The following DCLK1 variants were observed in gnomAD, a reference collection of about 807,000 sequenced individuals.
DCLK1 encodes doublecortin like kinase 1.
In DCLK1, 16 loss-of-function variants were observed where a neutral mutation model predicts 86.2. That is an observed-to-expected ratio of 0.19 (90% confidence interval 0.13 to 0.28). The LOEUF (loss-of-function observed/expected upper bound fraction) is 0.28. DCLK1 is among the 10% of genes least tolerant of loss of function. The pLI is 1.00. For missense variants in DCLK1, 590 were observed against 940.2 expected (o/e 0.63, Z 4.87); for synonymous variants, 369 against 370.5 (o/e 1.00, Z 0.05).
At chr13:36,083,741 C>A (rs1171981022) in intron 3 of DCLK1, among the ~76,000 whole-genome samples, 2 of 152,060 alleles carry the variant, frequency 1.3e-5, no homozygotes, top group African/African-American at 4.8e-5. Flanking sequence ...TATGGAAGAC[C>A]CACTTTGTGA....
At chr13:36,049,715 T>C (rs1483284517) in intron 3 of DCLK1, among the ~76,000 whole-genome samples, 2 of 152,180 alleles carry the variant, frequency 1.3e-5, no homozygotes, top group East Asian at 1.9e-4. Context: ...TTTGAAATCA[T>C]ATTTGCAGTT....
intron 3 of DCLK1, among the ~76,000 whole-genome samples, chr13:35,974,078 AAAATAAAAC>A (rs1879201668): frequency 6.6e-6 from 1 of 152,206 alleles, no homozygotes; most frequent in African/African-American, 2.4e-5. Context: ...ATAGAAATAG[AAAATAAAAC>A]AAATAAAACA....
At chr13:35,922,915 G>A (rs1028635109) in intron 4 of DCLK1, among the ~76,000 whole-genome samples, 5 of 152,218 alleles carry the variant, frequency 3.3e-5, no homozygotes, top group South Asian at 2.1e-4. Flanking sequence ...CTGTCTCAGC[G>A]CACCCATCTG....
chr13:35,967,971 G>A (rs1004091081), intron 3 of DCLK1, among the ~76,000 whole-genome samples: 5 of 151,884 alleles, frequency 3.3e-5, no homozygotes, highest in Non-Finnish European at 7.4e-5. Context: ...CAGTGACCAG[G>A]ATCACGCCAC....
intron 3 of DCLK1, among the ~76,000 whole-genome samples, chr13:36,100,731 G>A (rs531905675): frequency 6.6e-6 from 1 of 152,230 alleles, no homozygotes; most frequent in South Asian, 2.1e-4. Flanking sequence ...CCTGCCAGCT[G>A]CCAGCTGAAT....
intron 3 of DCLK1, among the ~76,000 whole-genome samples, chr13:36,064,767 G>C (rs1253606841): frequency 1.3e-5 from 2 of 150,966 alleles, no homozygotes; most frequent in African/African-American, 4.9e-5. Flanking sequence ...GAAGAAGAAA[G>C]GTAATGAAAC....
chr13:35,982,409 G>GGAGGGAGA (rs1555354555), intron 3 of DCLK1, among the ~76,000 whole-genome samples: 1 of 74,284 alleles, frequency 1.3e-5, no homozygotes, highest in South Asian at 7.5e-4. Context: ...GAAAAGAAAG[G>GGAGGGAGA]GAGAGAGAGA....
At chr13:35,805,851 G>A in intron 14 of DCLK1, 72 bp from the exon 15 acceptor site, 1 of 1,385,722 alleles carries the variant, frequency 7.2e-7, no homozygotes, top group East Asian at 2.4e-5. Context: ...AAATGCAAGA[G>A]TTCTCTTTTA....
intron 3 of DCLK1, among the ~76,000 whole-genome samples, chr13:35,951,032 G>A (rs890066365): frequency 1.3e-4 from 20 of 151,876 alleles, no homozygotes; most frequent in African/African-American, 4.8e-4. Flanking sequence ...GTTTAATTCT[G>A]TCAGTCTACT....
chr13:35,918,534 G>T (rs1368886567), intron 4 of DCLK1, among the ~76,000 whole-genome samples: 1 of 152,070 alleles, frequency 6.6e-6, no homozygotes. Context: ...AGACAGAGTG[G>T]GATCATAAAA....
At chr13:36,039,813 CTT>C (rs1207475881) in intron 3 of DCLK1, among the ~76,000 whole-genome samples, 1 of 152,020 alleles carries the variant, frequency 6.6e-6, no homozygotes, top group Non-Finnish European at 1.5e-5. Flanking sequence ...TAGCAAAACA[CTT>C]TTGAACGCAG....
chr13:35,969,032 T>C (rs758122755), intron 3 of DCLK1, among the ~76,000 whole-genome samples: 6 of 152,154 alleles, frequency 3.9e-5, no homozygotes, highest in African/African-American at 7.2e-5. Context: ...AAATGCTACA[T>C]GTTAAAAGAA....
At chr13:35,799,831 G>A (rs9634736) in intron 15 of DCLK1, among the ~76,000 whole-genome samples, 24,434 of 152,040 alleles carry the variant, frequency 0.16, 2,989 homozygotes, top group African/African-American at 0.33. Context: ...TGTGGGGAAA[G>A]TGACTCAACC....
At chr13:35,944,532 A>G (rs1877261476) in intron 4 of DCLK1, among the ~76,000 whole-genome samples, 1 of 152,240 alleles carries the variant, frequency 6.6e-6, no homozygotes, top group South Asian at 2.1e-4. Flanking sequence ...CATGCTGTAC[A>G]AGCAACAGGA....
intron 8 of DCLK1, among the ~76,000 whole-genome samples, chr13:35,831,899 TTTGGAGACAGC>T (rs1210165287): frequency 6.6e-6 from 1 of 152,132 alleles, no homozygotes; most frequent in African/African-American, 2.4e-5. Context: ...CTAAAAATGG[TTTGGAGACAGC>T]TGTCTTGTTC....
intron 14 of DCLK1, among the ~76,000 whole-genome samples, chr13:35,807,629 CAGAATTTGCATTCTAGTGGAG>C (rs1462457706): frequency 2.0e-5 from 3 of 152,204 alleles, no homozygotes; most frequent in Admixed American, 2.0e-4. Context: ...CCTGCCTTCG[CAGAATTTGCATTCTAGTGGAG>C]AGAGTCTGGA....
chr13:35,856,481 G>A lies in DCLK1; in HGVS notation c.941-1888C>T, dbSNP rs551891144. Among the ~76,000 whole-genome samples, 18 of 152,292 alleles carry A rather than the reference G, an allele frequency of 1.2e-4. 2 individuals are homozygous for A. The South Asian group carries it at 3.5e-3, about 30-fold the overall frequency. On this transcript the variant is annotated intron_variant, in intron 5 of 16. Coordinates refer to ENST00000360631, the MANE Select transcript of DCLK1 (RefSeq NM_001330071.2). ...GCACATCTTTATGTCATACGTAAAG[G>A]CTACATAGATTGGAGGGAAAAAATG... is the stretch of plus-strand genomic sequence containing the variant.
At chr13:35,840,986 G>A (rs1869753592) in intron 6 of DCLK1, among the ~76,000 whole-genome samples, 1 of 152,176 alleles carries the variant, frequency 6.6e-6, no homozygotes, top group Non-Finnish European at 1.5e-5. Flanking sequence ...TTCATCCTCT[G>A]GGTCATTGTT....
chr13:35,910,519 ATGCT>A (rs1874954558), intron 4 of DCLK1, among the ~76,000 whole-genome samples: 1 of 152,186 alleles, frequency 6.6e-6, no homozygotes, highest in Non-Finnish European at 1.5e-5. Flanking sequence ...TTTCCTTCCT[ATGCT>A]GGAAATAAAA....
Sources: allele counts gnomAD v4.1 joint callset (sites outside exome capture counted in the v4.1 genomes callset), GRCh38; gene constraint gnomAD v4.1.1; transcripts MANE v1.5; gene names NCBI Gene and HGNC (gene_info 2026-07-23, HGNC 2026-07-21).